SPATA9: variants seen among roughly 807,000 people sequenced by gnomAD.
SPATA9 encodes spermatogenesis-associated protein 9.
Under a neutral mutation model 25.5 loss-of-function variants are expected in SPATA9, and 27 were observed. That is an observed-to-expected ratio of 1.06 (90% CI 0.78 to 1.46). The LOEUF (loss-of-function observed/expected upper bound fraction) is 1.46, where lower values mean the gene tolerates loss of function less well. Among genes scored for constraint, SPATA9 ranks in the 40% most tolerant of loss-of-function variants. The pLI is 0.00. For missense variants in SPATA9, 282 were observed against 297.5 expected (o/e 0.95, Z 0.38); for synonymous variants, 102 against 105.7 (o/e 0.97, Z 0.21).
chr5:95,663,938 ATTTTC>A lies in SPATA9; in HGVS notation c.474+10_474+14del, dbSNP rs1293639846. ...GTAGATTTATTTCTAGATTCTAATA[ATTTTC>A]TTAACTTACCAAATAAATTAGTGCT... On this transcript the variant is annotated intron_variant, in intron 4 of 4. Transcript: ENST00000274432. 2.8e-6 allele frequency: 4 copies of A among 1,421,368 alleles called. No individual in the cohort carries two copies. The highest frequency in any genetic ancestry group is 3.9e-6 in the Non-Finnish European group (4 of 1,037,960). The allele number at this position is 1,421,368 out of a possible 1,614,324, so 88.0% of individuals were successfully genotyped here. A position where few individuals can be genotyped will look rare whatever the true frequency, so the allele number is the denominator to read the frequency against.
chr5:95,696,024 T>C (rs1270847569), intron 1 of SPATA9, among the ~76,000 whole-genome samples: 1 of 152,204 alleles, frequency 6.6e-6, no homozygotes, highest in African/African-American at 2.4e-5. Context: ...CCAATGTCTC[T>C]GGCCAACAGC....
At chr5:95,693,646 C>T (rs924584109) in intron 1 of SPATA9, among the ~76,000 whole-genome samples, 6 of 152,156 alleles carry the variant, frequency 3.9e-5, no homozygotes, top group Non-Finnish European at 7.4e-5. Context: ...CTGCATTCTG[C>T]AACACTTGAA....
chr5:95,722,087 T>C, the SPATA9 span, among the ~76,000 whole-genome samples: 1 of 152,300 alleles, frequency 6.6e-6, no homozygotes, highest in Non-Finnish European at 1.5e-5. Context: ...GGAAATGATC[T>C]GTGATAGCTT....
At chr5:95,690,983 G>T (rs190427604) in intron 1 of SPATA9, among the ~76,000 whole-genome samples, 1 of 151,786 alleles carries the variant, frequency 6.6e-6, no homozygotes, top group Non-Finnish European at 1.5e-5. Flanking sequence ...AGTTATACAT[G>T]TAGTCTCTCT....
At chr5:95,697,187 C>T (rs954529545) in intron 1 of SPATA9, among the ~76,000 whole-genome samples, 13 of 152,176 alleles carry the variant, frequency 8.5e-5, no homozygotes, top group East Asian at 1.9e-4. Flanking sequence ...TGCAGTCAAA[C>T]TGTTGGCTGG....
At chr5:95,662,901 A>AG (rs1349163034) in intron 4 of SPATA9, among the ~76,000 whole-genome samples, 2 of 152,216 alleles carry the variant, frequency 1.3e-5, no homozygotes, top group African/African-American at 2.4e-5. Context: ...AATGGCTAAA[A>AG]TGGAAAAGAT....
At chr5:95,719,531 G>C in the SPATA9 span, 4 of 152,176 alleles carry the variant, frequency 2.6e-5, no homozygotes, top group Non-Finnish European at 4.4e-5. Flanking sequence ...CCTGATACTG[G>C]GTAGTGAGCA....
chr5:95,723,712 A>C, the SPATA9 span, among the ~76,000 whole-genome samples: 2 of 152,122 alleles, frequency 1.3e-5, no homozygotes, highest in African/African-American at 4.8e-5. Flanking sequence ...GCTTTTCCCT[A>C]TCTCTCCTTT....
At chr5:95,680,274 G>A (rs2112675000) in intron 2 of SPATA9, among the ~76,000 whole-genome samples, 1 of 152,260 alleles carries the variant, frequency 6.6e-6, no homozygotes, top group East Asian at 1.9e-4. Context: ...CTTCTATTCA[G>A]AACAGAACAT....
At chr5:95,731,206 G>A in the SPATA9 span, 1 of 1,002,928 alleles carries the variant, frequency 1.0e-6, no homozygotes, top group South Asian at 4.2e-5. Flanking sequence ...CCTCCGCGGG[G>A]AGCGCGTCCC....
At chr5:95,694,248 G>T (rs1388317643) in intron 1 of SPATA9, among the ~76,000 whole-genome samples, 1 of 152,144 alleles carries the variant, frequency 6.6e-6, no homozygotes, top group Non-Finnish European at 1.5e-5. Flanking sequence ...ATGATCTTTA[G>T]TTAGAAGTCT....
chr5:95,699,281 T>A (rs1225007697), upstream of SPATA9, among the ~76,000 whole-genome samples: 1 of 152,208 alleles, frequency 6.6e-6, no homozygotes, highest in Admixed American at 6.5e-5. Context: ...TTCTCATCTA[T>A]AAAATGGGGA....
chr5:95,731,827 C>T, the SPATA9 span: 11 of 1,604,292 alleles, frequency 6.9e-6, no homozygotes, highest in Non-Finnish European at 8.5e-7. Context: ...GACCGTGCTT[C>T]CCTTCTCCCC....
At chr5:95,658,271 C>T (rs1750900342), downstream of SPATA9, among the ~76,000 whole-genome samples, 1 of 151,662 alleles carries the variant, frequency 6.6e-6, no homozygotes, top group Non-Finnish European at 1.5e-5. Flanking sequence ...CTTGATGGGG[C>T]TTTTTTTCCT....
intron 2 of SPATA9, among the ~76,000 whole-genome samples, chr5:95,680,863 G>T (rs1268948355): frequency 6.6e-6 from 1 of 152,088 alleles, no homozygotes; most frequent in Non-Finnish European, 1.5e-5. Context: ...CTCCAAAGCT[G>T]CTCTTCCTCA....
At chr5:95,684,597 C>A (rs1753687705), upstream of SPATA9, 1 of 152,208 alleles carries the variant, frequency 6.6e-6, no homozygotes, top group Non-Finnish European at 1.5e-5. Context: ...TACTTAAGAG[C>A]CCTCTCCCCA....
chr5:95,688,777 A>G (rs1264512028), intron 1 of SPATA9, among the ~76,000 whole-genome samples: 1 of 152,158 alleles, frequency 6.6e-6, no homozygotes, highest in East Asian at 1.9e-4. Flanking sequence ...AATGTACAAT[A>G]TTTGGGTAAT....
chr5:95,704,105 A>C, the SPATA9 span, among the ~76,000 whole-genome samples: 1 of 152,204 alleles, frequency 6.6e-6, no homozygotes, highest in Non-Finnish European at 1.5e-5. Context: ...ACTTTGATGT[A>C]AGTGAAAAAA....
At chr5:95,715,129 C>G in the SPATA9 span, among the ~76,000 whole-genome samples, 898 of 151,856 alleles carry the variant, frequency 5.9e-3, 14 homozygotes, top group Admixed American at 0.036. Context: ...ATCAAGACCA[C>G]CCTGGCCAAC....
Sources: allele counts gnomAD v4.1 joint callset (sites outside exome capture counted in the v4.1 genomes callset), GRCh38; gene constraint gnomAD v4.1.1; transcripts MANE v1.5; gene names NCBI Gene and HGNC (gene_info 2026-07-23, HGNC 2026-07-21).